Variants in PHACTR1 observed in about 807,000 individuals in gnomAD.
The protein encoded by PHACTR1 is RPEL repeat containing 1.
A neutral mutation model predicts 69.2 loss-of-function variants in PHACTR1; 16 were observed. The observed-to-expected ratio is 0.23, with a 90% CI of 0.16 to 0.35. PHACTR1 has a LOEUF of 0.35. Ranked by LOEUF, PHACTR1 falls within the 10% of genes least tolerant of loss-of-function variation. The probability of loss-of-function intolerance (pLI) is 1.00; values close to 1 mark genes in which losing one functional copy is unlikely to be tolerated. For synonymous variants in PHACTR1, 312 were observed against 284.5 expected (o/e 1.10, Z -0.97); for missense variants, 510 against 734.7 (o/e 0.69, Z 3.54).
chr6:12,787,772 A>G (rs1771721685), intron 4 of PHACTR1, among the ~76,000 whole-genome samples: 1 of 152,100 alleles, frequency 6.6e-6, no homozygotes, highest in African/African-American at 2.4e-5. Context: ...ACGGTGGCAA[A>G]TTGTAGAGAC....
intron 4 of PHACTR1, among the ~76,000 whole-genome samples, chr6:12,970,060 T>G (rs1209130059): frequency 6.6e-6 from 1 of 152,246 alleles, no homozygotes; most frequent in Non-Finnish European, 1.5e-5. Context: ...GTATTGCTTC[T>G]GCGAACATCT....
intron 4 of PHACTR1, among the ~76,000 whole-genome samples, 198 bp downstream of exon 4, chr6:12,749,988 C>A (rs922166041): frequency 1.7e-4 from 26 of 152,156 alleles, no homozygotes; most frequent in African/African-American, 6.3e-4. Context: ...CGTGCAGCCC[C>A]ACATCCGCCC....
chr6:12,832,000 C>T (rs545700003), intron 4 of PHACTR1, among the ~76,000 whole-genome samples: 1 of 152,172 alleles, frequency 6.6e-6, no homozygotes, highest in Non-Finnish European at 1.5e-5. Flanking sequence ...CACAGTGACT[C>T]AGGAGGCTGA....
At chr6:12,974,655 T>G (rs1246407329) in intron 4 of PHACTR1, among the ~76,000 whole-genome samples, 1 of 152,190 alleles carries the variant, frequency 6.6e-6, no homozygotes, top group African/African-American at 2.4e-5. Flanking sequence ...TGCGGTGCCT[T>G]TCAATTCCAA....
At position 13,160,222 on chromosome 6, in the gene PHACTR1, C is replaced by G; in HGVS notation, c.434C>G (p.Ser145Cys). 6 of 1,613,638 alleles carry G rather than the reference C, an allele frequency of 3.7e-6. No homozygotes were observed. The highest frequency in any genetic ancestry group is 5.1e-6 in the Non-Finnish European group (6 of 1,179,698). ...HTSAALERKISMRQSREELIK... is the reference protein window; with the variant it reads ...HTSAALERKICMRQSREELIK... ...TTTGTAGCCCTGGAAAGGAAAATAT[C>G]TATGAGGCAAAGCAGAGAAGAGCTG... The change falls in exon 6 of 15, where the codon TCT becomes TGT. Residue 145 changes from serine (S) to cysteine (C), a missense_variant. This residue lies in a region of PHACTR1 where 419 missense variants were observed against 530.9 expected (regional missense o/e 0.79). Transcript: ENST00000332995.
chr6:13,032,660 A>G (rs1802621459), intron 4 of PHACTR1, among the ~76,000 whole-genome samples: 1 of 151,866 alleles, frequency 6.6e-6, no homozygotes, highest in South Asian at 2.1e-4. Flanking sequence ...CTCTGTTGCC[A>G]GGCTGGAATG....
intron 4 of PHACTR1, among the ~76,000 whole-genome samples, chr6:12,752,545 A>G (rs889823094): frequency 1.3e-5 from 2 of 152,228 alleles, no homozygotes; most frequent in African/African-American, 2.4e-5. Flanking sequence ...ATTATACATA[A>G]ACCCATGTTT....
chr6:13,237,342 A>G (rs887108549), intron 10 of PHACTR1, among the ~76,000 whole-genome samples: 1 of 152,142 alleles, frequency 6.6e-6, no homozygotes, highest in African/African-American at 2.4e-5. Context: ...GTGCCACTGC[A>G]CTCCAGCCTG....
At chr6:13,171,025 C>T (rs772000659) in intron 6 of PHACTR1, among the ~76,000 whole-genome samples, 67 of 152,270 alleles carry the variant, frequency 4.4e-4, no homozygotes, top group Admixed American at 1.6e-3. Flanking sequence ...GCTTAAAGGA[C>T]GTAATCCAAT....
intron 8 of PHACTR1, among the ~76,000 whole-genome samples, chr6:13,227,199 C>T (rs1160933098): frequency 6.6e-6 from 1 of 152,156 alleles, no homozygotes; most frequent in Non-Finnish European, 1.5e-5. Flanking sequence ...TCTAGGTCAT[C>T]GCTAACAATG....
At chr6:12,757,907 T>C (rs1291389884) in intron 4 of PHACTR1, among the ~76,000 whole-genome samples, 1 of 151,750 alleles carries the variant, frequency 6.6e-6, no homozygotes, top group Non-Finnish European at 1.5e-5. Context: ...AGGTCAGGAG[T>C]TCGAGACGAG....
intron 5 of PHACTR1, among the ~76,000 whole-genome samples, chr6:13,148,595 A>T (rs1053977579): frequency 6.6e-6 from 1 of 151,866 alleles, no homozygotes; most frequent in South Asian, 2.1e-4. Flanking sequence ...ACATATACCT[A>T]CTCAGTTAAC....
In PHACTR1 at chr6:12,915,996, C is replaced by T. The variant is rs531061516; in HGVS notation, c.251-137369C>T. Among the ~76,000 whole-genome samples, 9 of 152,182 alleles carry T rather than the reference C, an allele frequency of 5.9e-5. No homozygotes were observed. The East Asian group carries it at 1.2e-3, about 20-fold the overall frequency. On this transcript the variant is annotated intron_variant, in intron 4 of 14. Transcript: ENST00000332995. ...ACCTCTGGTACCTGATCAGCTAGTG[C>T]GAGATGTTAATACCAGGCAAAACTG...
At chr6:12,952,638 G>A (rs1323854268) in intron 4 of PHACTR1, among the ~76,000 whole-genome samples, 1 of 152,120 alleles carries the variant, frequency 6.6e-6, no homozygotes, top group African/African-American at 2.4e-5. Flanking sequence ...CATCTTGATT[G>A]CTTCCAACTT....
intron 5 of PHACTR1, among the ~76,000 whole-genome samples, chr6:13,066,887 T>A (rs957424656): frequency 3.3e-5 from 5 of 152,292 alleles, no homozygotes; most frequent in Non-Finnish European, 7.3e-5. Context: ...AGGTACAACA[T>A]TGGCTTAGTA....
Position 13,246,029 on chromosome 6 carries a change from C to T in PHACTR1, c.1391+15836C>T, listed in dbSNP as rs1350059383. ...AGGTAAATGGCTGATAGAGGCTACACTACTAGCCAAGTTCACACAGTAATT... is the reference window on the plus strand; with the variant it reads ...AGGTAAATGGCTGATAGAGGCTACATTACTAGCCAAGTTCACACAGTAATT... On this transcript the variant is annotated intron_variant, in intron 10 of 14. Coordinates refer to ENST00000332995, the MANE Select transcript of PHACTR1 (RefSeq NM_030948.6). This position sits in a 1 kb window ranked among gnomAD's most constrained non-coding sequence, Gnocchi z 4.2. Among the ~76,000 whole-genome samples, 4 of 152,164 alleles carry T rather than the reference C, an allele frequency of 2.6e-5. No individual in the cohort carries two copies. Among genetic ancestry groups the T allele is most frequent in the Non-Finnish European group, 5.9e-5 (4 of 68,024 alleles).
intron 4 of PHACTR1, among the ~76,000 whole-genome samples, chr6:12,875,059 T>C (rs1782397804): frequency 6.6e-6 from 1 of 152,136 alleles, no homozygotes; most frequent in Admixed American, 6.6e-5. Context: ...AATAAATAAA[T>C]GAGGCTTATG....
chr6:12,722,589 T>C (rs1400169654), intron 3 of PHACTR1, among the ~76,000 whole-genome samples: 1 of 152,236 alleles, frequency 6.6e-6, no homozygotes, highest in Non-Finnish European at 1.5e-5. Context: ...CAATTTATCA[T>C]GAGAAAAATT....
At chr6:12,756,932 C>A (rs541159249) in intron 4 of PHACTR1, among the ~76,000 whole-genome samples, 36 of 151,514 alleles carry the variant, frequency 2.4e-4, no homozygotes, top group African/African-American at 6.8e-4. Flanking sequence ...TTTTTTAGAC[C>A]GTTTTTTAGG....
Sources: allele counts gnomAD v4.1 joint callset (sites outside exome capture counted in the v4.1 genomes callset), GRCh38; gene constraint gnomAD v4.1.1; regional missense constraint gnomAD v4.1.1; non-coding constraint Gnocchi (gnomAD v3.1); transcripts MANE v1.5; gene names NCBI Gene and HGNC (gene_info 2026-07-23, HGNC 2026-07-21).